MOCS2: variants seen among roughly 807,000 people sequenced by gnomAD.
The protein encoded by MOCS2 is molybdenum cofactor synthesis 2.
MOCS2 carries 13 observed loss-of-function variants against 21.9 expected under a neutral mutation model. The observed-to-expected ratio is 0.59, with a 90% CI of 0.39 to 0.94. The LOEUF (loss-of-function observed/expected upper bound fraction) is 0.94. Ranked by LOEUF, MOCS2 falls within the 40% of genes least tolerant of loss-of-function variation. MOCS2 has a pLI of 0.00. For missense variants in MOCS2, 227 were observed against 218.3 expected (o/e 1.04, Z -0.25); for synonymous variants, 92 against 80.8 (o/e 1.14, Z -0.74).
rs908399866 is a variant in MOCS2, at chr5:53,095,757, C to G, written c.*2845G>C. 6.6e-6 allele frequency: 1 copy of G among 152,018 alleles called. No individual in the cohort carries two copies. Among genetic ancestry groups the G allele is most frequent in the Non-Finnish European group, 1.5e-5 (1 of 67,992 alleles). The allele number at this position is 152,018 out of a possible 1,614,324, so 9.4% of individuals were successfully genotyped here. The stretch of plus-strand genomic sequence containing the variant: ...GGAAATGCTGTACAGGTTAGGAAGA[C>G]CTGTATTAAAGCAATCATTTATATC... On this transcript the variant is annotated 3_prime_UTR_variant, in exon 7 of 7. Transcript: ENST00000396954.
At chr5:53,105,956 C>A (rs910345944) in intron 3 of MOCS2, among the ~76,000 whole-genome samples, 1 of 152,134 alleles carries the variant, frequency 6.6e-6, no homozygotes, top group Admixed American at 6.5e-5. Context: ...ATGTGGCCAA[C>A]AATCATATGA....
intron 5 of MOCS2, chr5:53,101,062 T>A: frequency 2.2e-6 from 1 of 445,814 alleles, no homozygotes; most frequent in Admixed American, 3.8e-5. Context: ...ACCACTCTAA[T>A]GACTTTCGAG....
At chr5:53,100,795 C>A in intron 5 of MOCS2, 1 of 452,934 alleles carries the variant, frequency 2.2e-6, no homozygotes, top group South Asian at 2.2e-5. Context: ...AAAATCCTTT[C>A]ATTGATAGAG....
chr5:53,101,169 C>T (rs1740897506), intron 5 of MOCS2, 190 bp downstream of exon 5: 1 of 649,022 alleles, frequency 1.5e-6, no homozygotes, highest in South Asian at 1.9e-5. Context: ...AACAAGAGCT[C>T]TCCCAATATC....
Position 53,100,537 on chromosome 5 carries a change from T to G in MOCS2, c.378-3A>C. ...TTGCTTCTGACACTGGAACCAAGCT[T>G]TAACAAGATGAAGAGAAAAAAAAAT... On this transcript the variant is annotated splice_region_variant and splice_polypyrimidine_tract_variant and intron_variant, in intron 5 of 6. Coordinates refer to ENST00000396954, the MANE Select transcript of MOCS2 (RefSeq NM_004531.5). 6.2e-7 allele frequency: 1 copy of G among 1,613,522 alleles called. No individual in the cohort carries two copies. Among genetic ancestry groups the G allele is most frequent in the Non-Finnish European group, 8.5e-7 (1 of 1,179,658 alleles).
At chr5:53,102,815 G>GGAT (rs1740951035) in intron 3 of MOCS2, among the ~76,000 whole-genome samples, 1 of 152,054 alleles carries the variant, frequency 6.6e-6, no homozygotes, top group Non-Finnish European at 1.5e-5. Flanking sequence ...GGCGGTAGTG[G>GGAT]CACACATCTA....
chr5:53,109,548 C>T lies in MOCS2; in HGVS notation c.-467G>A, dbSNP rs1337123148. 3.5e-6 allele frequency: 3 copies of T among 867,766 alleles called. No individual in the cohort carries two copies. Among genetic ancestry groups the T allele is most frequent in the African/African-American group, 2.6e-5 (1 of 38,502 alleles). 53.8% of individuals were successfully genotyped at this position (867,766 alleles called of 1,614,324 possible). A position where few individuals can be genotyped will look rare whatever the true frequency, so the allele number is the denominator to read the frequency against. The stretch of plus-strand genomic sequence containing the variant: ...GTAAAGCCCGGAGACAGGAAGGGCC[C>T]GGGGGCGGGGGCGGGGGCGCCCCCG... On this transcript the variant is annotated 5_prime_UTR_variant, in exon 1 of 7. Coordinates refer to ENST00000396954, the MANE Select transcript of MOCS2 (RefSeq NM_004531.5).
chr5:53,105,864 T>C (rs1741035978), intron 3 of MOCS2, among the ~76,000 whole-genome samples: 1 of 152,136 alleles, frequency 6.6e-6, no homozygotes, highest in Non-Finnish European at 1.5e-5. Flanking sequence ...CTCTAAGGAA[T>C]TTTTTAAAAT....
intron 3 of MOCS2, among the ~76,000 whole-genome samples, chr5:53,103,082 T>C (rs1360491895): frequency 6.6e-6 from 1 of 152,088 alleles, no homozygotes; most frequent in African/African-American, 2.4e-5. Flanking sequence ...AGATAAAAAG[T>C]TTCTTTTCTT....
chr5:53,098,459 C>T lies in MOCS2; in HGVS notation c.*143G>A, dbSNP rs2233223. ...TCATCCTACATACCCATTTATCTTG[C>T]TTCCTTTTTCTCCCTTTTGTCCCAC... On this transcript the variant is annotated 3_prime_UTR_variant, in exon 7 of 7. Coordinates refer to ENST00000396954, the MANE Select transcript of MOCS2 (RefSeq NM_004531.5). The T allele has an allele frequency of 2.6e-4, 191 of 729,256 alleles. 1 individual carries two copies. The highest frequency in any genetic ancestry group is 3.8e-4 in the Admixed American group (18 of 47,096). The allele number at this position is 729,256 out of a possible 1,614,324, so 45.2% of individuals were successfully genotyped here. A position where few individuals can be genotyped will look rare whatever the true frequency, so the allele number is the denominator to read the frequency against.
At chr5:53,108,458 A>T in intron 2 of MOCS2, 64 bp downstream of exon 2, 2 of 1,437,632 alleles carry the variant, frequency 1.4e-6, no homozygotes, top group Admixed American at 2.2e-5. Context: ...TTTTACTTTT[A>T]TCATTTATGT....
Position 53,107,240 on chromosome 5 carries a change from GACTC to G in MOCS2, c.-47-23_-47-20del, listed in dbSNP as rs1561177190. 6.2e-7 allele frequency: 1 copy of G among 1,604,524 alleles called. No individual in the cohort carries two copies. Among genetic ancestry groups the G allele is most frequent in the Non-Finnish European group, 8.5e-7 (1 of 1,174,890 alleles). ...AGCCAATCTAAAGGGGAAAAAATAT[GACTC>G]AAAGTATCAACGCTATGATAGACCT... is the stretch of plus-strand genomic sequence containing the variant. On this transcript the variant is annotated intron_variant, in intron 2 of 6. Transcript: ENST00000396954.
At position 53,098,140 on chromosome 5, in the gene MOCS2, T is replaced by A. The variant is rs576411063; in HGVS notation, c.*462A>T. On this transcript the variant is annotated 3_prime_UTR_variant, in exon 7 of 7. Transcript: ENST00000396954. ...GAAAATGTATAATATCAAGACTGTC[T>A]GATAATGCTTTTTTAATACTTTCCA... 1 of 160,872 alleles carries A rather than the reference T, an allele frequency of 6.2e-6. No individual in the cohort carries two copies. Among genetic ancestry groups the A allele is most frequent in the African/African-American group, 2.4e-5 (1 of 41,780 alleles). 10.0% of individuals were successfully genotyped at this position (160,872 alleles called of 1,614,324 possible). A position where few individuals can be genotyped will look rare whatever the true frequency, so the allele number is the denominator to read the frequency against.
intron 3 of MOCS2, among the ~76,000 whole-genome samples, chr5:53,102,973 A>C (rs1740956863): frequency 6.6e-6 from 1 of 151,884 alleles, no homozygotes; most frequent in South Asian, 2.1e-4. Flanking sequence ...AAGAAAAAAA[A>C]GGTAATGATG....
rs1264756899 is a variant in MOCS2, at chr5:53,104,208, G to C, written c.99-1984C>G. Among the ~76,000 whole-genome samples the C allele has an allele frequency of 2.0e-5, 3 of 152,240 alleles. No homozygotes were observed. In the East Asian group the frequency reaches 5.8e-4, roughly 29 times the overall value. On this transcript the variant is annotated intron_variant, in intron 3 of 6. Transcript: ENST00000396954. Reference sequence around the variant, plus strand: ...CACTGGATTCCAGGATTTTTCATCTGCTACACAAGCCGCCTAAGTGTCTTC... The same window carrying C: ...CACTGGATTCCAGGATTTTTCATCTCCTACACAAGCCGCCTAAGTGTCTTC...
intron 6 of MOCS2, among the ~76,000 whole-genome samples, chr5:53,099,198 C>T (rs1740839462): frequency 6.6e-6 from 1 of 152,202 alleles, no homozygotes; most frequent in African/African-American, 2.4e-5. Flanking sequence ...TTCAACTGTC[C>T]TCTGAACTCC....
intron 3 of MOCS2, among the ~76,000 whole-genome samples, chr5:53,106,100 T>C (rs894586993): frequency 1.3e-5 from 2 of 149,690 alleles, no homozygotes; most frequent in African/African-American, 5.0e-5. Context: ...AAGGAATGCT[T>C]ATACACTGCT....
chr5:53,102,025 C>G lies in MOCS2; in HGVS notation c.226+72G>C, dbSNP rs1238128526. 1.9e-5 allele frequency: 29 copies of G among 1,520,030 alleles called. No individual in the cohort carries two copies. The Admixed American group carries it at 4.6e-4, about 24-fold the overall frequency. The allele number at this position is 1,520,030 out of a possible 1,614,324, so 94.2% of individuals were successfully genotyped here. ...AGTATTTCAAACTCCTCCGTTAACA[C>G]TGAACATGGAAAGCACATGCTAATT... On this transcript the variant is annotated intron_variant, in intron 4 of 6. Transcript: ENST00000396954.
At chr5:53,107,292 G>C in intron 2 of MOCS2, 71 bp from the exon 3 acceptor site, 4 of 1,350,234 alleles carry the variant, frequency 3.0e-6, no homozygotes, top group South Asian at 2.5e-5. Flanking sequence ...GCTGCAATTA[G>C]AGATATTACA....
Sources: gnomAD v4.1 joint callset for allele counts (sites outside exome capture counted in the v4.1 genomes callset) on GRCh38, gnomAD v4.1.1 for gene constraint, MANE v1.5 for transcripts, NCBI Gene and HGNC (gene_info 2026-07-23, HGNC 2026-07-21) for gene names.